The following MYO9A variants were observed in gnomAD, a reference collection of about 807,000 sequenced individuals.
MYO9A encodes unconventional myosin-IXa.
In MYO9A, 103 loss-of-function variants were observed where a neutral mutation model predicts 293.3. That is an observed-to-expected ratio of 0.35 (90% confidence interval 0.30 to 0.41). The LOEUF is 0.41. MYO9A is among the 10% of genes least tolerant of loss of function. MYO9A has a pLI of 1.00. For missense variants in MYO9A, 2,685 were observed against 3,033.0 expected (o/e 0.89, Z 2.69); for synonymous variants, 1,001 against 1,035.7 (o/e 0.97, Z 0.64).
intron 1 of MYO9A, among the ~76,000 whole-genome samples, chr15:72,050,736 G>C (rs1184593854): frequency 6.6e-6 from 1 of 152,188 alleles, no homozygotes; most frequent in Admixed American, 6.5e-5. Context: ...CCAGAAAATA[G>C]TATTTGAAAA....
intron 2 of MYO9A, among the ~76,000 whole-genome samples, chr15:72,042,183 CAA>C (rs769890860): frequency 1.0e-3 from 56 of 55,308 alleles, no homozygotes; most frequent in African/African-American, 1.9e-3. Context: ...AGATAGAATG[CAA>C]AAAAAAAAAA....
intron 11 of MYO9A, among the ~76,000 whole-genome samples, chr15:71,985,818 C>G (rs1458251951): frequency 6.6e-6 from 1 of 152,130 alleles, no homozygotes; most frequent in Non-Finnish European, 1.5e-5. Flanking sequence ...TAAGGTTCAT[C>G]AAAAGTTTCT....
chr15:71,903,151 C>T, intron 21 of MYO9A, 88 bp from the exon 22 acceptor site: 7 of 1,166,306 alleles, frequency 6.0e-6, no homozygotes, highest in Admixed American at 2.5e-5. Context: ...TTAATCTTTT[C>T]TCTTTCTTTT....
At chr15:71,991,793 G>A (rs538564132) in intron 10 of MYO9A, among the ~76,000 whole-genome samples, 6 of 152,112 alleles carry the variant, frequency 3.9e-5, no homozygotes, top group Non-Finnish European at 7.4e-5. Context: ...TCGATCTGTC[G>A]CCCAGGCTGG....
At chr15:71,849,577 A>C (rs2055543921) in intron 38 of MYO9A, among the ~76,000 whole-genome samples, 2 of 152,134 alleles carry the variant, frequency 1.3e-5, no homozygotes, top group African/African-American at 4.8e-5. Context: ...ATATTGATAT[A>C]TTTTTTAAAG....
chr15:71,952,294 C>A (rs1343523171), intron 14 of MYO9A, among the ~76,000 whole-genome samples: 1 of 151,948 alleles, frequency 6.6e-6, no homozygotes, highest in African/African-American at 2.4e-5. Context: ...AGAAATATAC[C>A]CAGAACAATT....
At chr15:72,030,587 G>A (rs377008552) in intron 3 of MYO9A, among the ~76,000 whole-genome samples, 5 of 151,686 alleles carry the variant, frequency 3.3e-5, no homozygotes, top group East Asian at 1.9e-4. Flanking sequence ...TCTCCCAGAC[G>A]ATCACAGCTC....
At chr15:71,931,925 G>A (rs1403068141) in intron 18 of MYO9A, among the ~76,000 whole-genome samples, 3 of 151,696 alleles carry the variant, frequency 2.0e-5, no homozygotes, top group African/African-American at 7.3e-5. Flanking sequence ...GTTTTTTGTT[G>A]TCTCCAGGAA....
intron 17 of MYO9A, among the ~76,000 whole-genome samples, chr15:71,934,681 G>A (rs891821554): frequency 6.7e-6 from 1 of 150,106 alleles, no homozygotes; most frequent in African/African-American, 2.4e-5. Context: ...ACTCATTGCA[G>A]CCTCAACTTC....
chr15:72,023,118 A>G lies in MYO9A; in HGVS notation c.999-2101T>C, dbSNP rs569802850. 2.6e-5 allele frequency among the ~76,000 whole-genome samples: 4 copies of G among 152,332 alleles called. No individual in the cohort carries two copies. The South Asian group carries it at 8.3e-4, about 32-fold the overall frequency. ...ACAGGACTTTAAAGAAATTAATCCAAAAAGAATTCTGGAGTTGAAAAATAT... is the reference window on the plus strand; with the variant it reads ...ACAGGACTTTAAAGAAATTAATCCAGAAAGAATTCTGGAGTTGAAAAATAT... On this transcript the variant is annotated intron_variant, in intron 4 of 41. Transcript: ENST00000356056.
At chr15:71,988,901 A>G (rs1055109231) in intron 11 of MYO9A, among the ~76,000 whole-genome samples, 4 of 151,702 alleles carry the variant, frequency 2.6e-5, no homozygotes, top group African/African-American at 4.8e-5. Flanking sequence ...CTGAAAGCCC[A>G]CTCTTTTTTT....
chr15:71,867,723 A>G (rs1272863957), intron 32 of MYO9A, among the ~76,000 whole-genome samples: 1 of 151,916 alleles, frequency 6.6e-6, no homozygotes, highest in Non-Finnish European at 1.5e-5. Context: ...TTTATTACAG[A>G]GAAATGAAGC....
chr15:71,948,302 G>A (rs1286815065), intron 15 of MYO9A, among the ~76,000 whole-genome samples: 1 of 152,042 alleles, frequency 6.6e-6, no homozygotes, highest in African/African-American at 2.4e-5. Flanking sequence ...TATTAGTTCT[G>A]CCTTCTTTAT....
At chr15:72,063,353 G>A (rs896341758) in intron 1 of MYO9A, among the ~76,000 whole-genome samples, 7 of 152,154 alleles carry the variant, frequency 4.6e-5, no homozygotes, top group East Asian at 1.9e-4. Flanking sequence ...GATTTGTTGA[G>A]TAATACCCCA....
In MYO9A at chr15:71,825,239, C is replaced by CTAAT. The variant is rs561450818; in HGVS notation, c.*1337_*1340dup. On this transcript the variant is annotated 3_prime_UTR_variant, in exon 42 of 42. Transcript: ENST00000356056. ...ACCCAGTGGTGAAAATGATGTCTTA[C>CTAAT]TAATTCCCTCAACCCAGGGACGAAT... is the stretch of plus-strand genomic sequence containing the variant. The CTAAT allele has an allele frequency of 7.1e-4, 108 of 152,292 alleles. No individual in the cohort carries two copies. Among genetic ancestry groups the CTAAT allele is most frequent in the African/African-American group, 2.6e-3 (107 of 41,558 alleles). 9.4% of individuals were successfully genotyped at this position (152,292 alleles called of 1,614,324 possible). A position where few individuals can be genotyped will look rare whatever the true frequency, so the allele number is the denominator to read the frequency against.
At chr15:72,055,692 G>A (rs1299067128) in intron 1 of MYO9A, among the ~76,000 whole-genome samples, 1 of 151,824 alleles carries the variant, frequency 6.6e-6, no homozygotes, top group Non-Finnish European at 1.5e-5. Flanking sequence ...ATACACAAAA[G>A]GTCAACAAAC....
chr15:72,114,945 T>G (rs2080916254), intron 1 of MYO9A, among the ~76,000 whole-genome samples: 1 of 152,210 alleles, frequency 6.6e-6, no homozygotes, highest in Non-Finnish European at 1.5e-5. Flanking sequence ...TGAACAAACT[T>G]CCACATAGTA....
intron 1 of MYO9A, among the ~76,000 whole-genome samples, chr15:72,089,887 G>C (rs2079852972): frequency 6.6e-6 from 1 of 152,172 alleles, no homozygotes; most frequent in South Asian, 2.1e-4. Flanking sequence ...CTTTTTAAGA[G>C]GTGTCATATT....
chr15:72,053,562 G>A (rs1281433512), intron 1 of MYO9A, among the ~76,000 whole-genome samples: 2 of 152,148 alleles, frequency 1.3e-5, no homozygotes, highest in East Asian at 3.8e-4. Context: ...CGCAAGAACA[G>A]AAAACCAAAC....
Sources: gnomAD v4.1 joint callset for allele counts (sites outside exome capture counted in the v4.1 genomes callset) on GRCh38, gnomAD v4.1.1 for gene constraint, MANE v1.5 for transcripts, NCBI Gene and HGNC (gene_info 2026-07-23, HGNC 2026-07-21) for gene names.